The following DSCAM variants were observed in gnomAD, a reference collection of about 807,000 sequenced individuals.
The protein encoded by DSCAM is DS cell adhesion molecule, also known as cell adhesion molecule DSCAM.
Under a neutral mutation model 217.7 loss-of-function variants are expected in DSCAM, and 47 were observed. That is an observed-to-expected ratio of 0.22 (90% CI 0.17 to 0.28). The LOEUF is 0.28. Ranked by LOEUF, DSCAM falls within the 10% of genes least tolerant of loss-of-function variation. DSCAM has a pLI of 1.00. For synonymous variants in DSCAM, 1,056 were observed against 1,015.3 expected (o/e 1.04, Z -0.76); for missense variants, 2,080 against 2,618.3 (o/e 0.79, Z 4.49).
intron 15 of DSCAM, among the ~76,000 whole-genome samples, chr21:40,176,197 G>C (rs1313893665): frequency 6.6e-6 from 1 of 152,240 alleles, no homozygotes; most frequent in East Asian, 1.9e-4. Flanking sequence ...AGGAGACATG[G>C]AACTTGTAGT....
chr21:40,787,005 G>A (rs1351583022), intron 1 of DSCAM, among the ~76,000 whole-genome samples: 1 of 152,166 alleles, frequency 6.6e-6, no homozygotes, highest in Admixed American at 6.5e-5. Context: ...AAAGCCCAAG[G>A]GCTCGATTTG....
chr21:40,146,772 A>G (rs536573641), intron 16 of DSCAM, among the ~76,000 whole-genome samples: 49 of 152,310 alleles, frequency 3.2e-4, no homozygotes, highest in African/African-American at 1.2e-3. Context: ...TTTTTATTAT[A>G]AACAAATGTC....
intron 3 of DSCAM, among the ~76,000 whole-genome samples, chr21:40,497,695 A>G (rs549008334): frequency 1.3e-4 from 20 of 152,350 alleles, no homozygotes; most frequent in African/African-American, 4.8e-4. Context: ...CCCAATGTAT[A>G]CATATAAGAA....
chr21:40,198,913 C>T, intron 11 of DSCAM, among the ~76,000 whole-genome samples: 1 of 152,170 alleles, frequency 6.6e-6, no homozygotes, highest in Non-Finnish European at 1.5e-5. Flanking sequence ...CTGGACTGGT[C>T]TTGTACCGAT....
chr21:40,311,931 G>A (rs1405564369), intron 9 of DSCAM, 150 bp downstream of exon 9: 3 of 497,030 alleles, frequency 6.0e-6, no homozygotes, highest in East Asian at 8.5e-5. Flanking sequence ...GTTTAGAGTC[G>A]TATTTTTTTT....
At chr21:40,384,327 G>A (rs867606451) in intron 3 of DSCAM, among the ~76,000 whole-genome samples, 42 of 152,280 alleles carry the variant, frequency 2.8e-4, no homozygotes, top group Middle Eastern at 3.4e-3. Context: ...ACAGCAGAAG[G>A]CCTGGCGTGG....
intron 1 of DSCAM, among the ~76,000 whole-genome samples, chr21:40,710,778 A>G (rs999156091): frequency 4.6e-5 from 7 of 152,346 alleles, no homozygotes; most frequent in African/African-American, 1.7e-4. Flanking sequence ...CACACATCTG[A>G]GCTTCTCCAT....
chr21:40,353,422 G>T (rs201406043), intron 5 of DSCAM, 43 bp downstream of exon 5: 1 of 1,582,564 alleles, frequency 6.3e-7, no homozygotes, highest in Non-Finnish European at 8.5e-7. Flanking sequence ...GAGCTCCATC[G>T]ATGGAAGCCA....
intron 28 of DSCAM, among the ~76,000 whole-genome samples, chr21:40,062,085 A>G (rs926705790): frequency 2.0e-5 from 3 of 152,334 alleles, no homozygotes; most frequent in African/African-American, 7.2e-5. Context: ...TTTACAGAGT[A>G]AAAAGGTTGG....
chr21:40,258,927 T>C (rs1394745972), intron 11 of DSCAM, among the ~76,000 whole-genome samples: 1 of 152,204 alleles, frequency 6.6e-6, no homozygotes, highest in East Asian at 1.9e-4. Flanking sequence ...CTGTCTCCTT[T>C]GTTTGGTGTA....
intron 11 of DSCAM, among the ~76,000 whole-genome samples, chr21:40,243,708 G>A (rs1313210399): frequency 6.6e-6 from 1 of 152,138 alleles, no homozygotes; most frequent in Non-Finnish European, 1.5e-5. Flanking sequence ...TGTATTCCAT[G>A]ACTTCAGAGA....
intron 15 of DSCAM, among the ~76,000 whole-genome samples, chr21:40,174,197 G>A (rs1406737238): frequency 7.2e-5 from 11 of 152,190 alleles, no homozygotes; most frequent in Non-Finnish European, 1.0e-4. Flanking sequence ...GGTTGGGGAA[G>A]CCATGAAGAC....
At chr21:40,816,377 G>A (rs768608576) in intron 1 of DSCAM, among the ~76,000 whole-genome samples, 18 of 152,094 alleles carry the variant, frequency 1.2e-4, no homozygotes, top group Admixed American at 5.2e-4. Flanking sequence ...TCAGGAGTTC[G>A]AGACCAGCCT....
chr21:40,775,661 T>C (rs2091481543), intron 1 of DSCAM, among the ~76,000 whole-genome samples: 1 of 152,196 alleles, frequency 6.6e-6, no homozygotes, highest in Non-Finnish European at 1.5e-5. Flanking sequence ...ACCTTTGGAC[T>C]CTAGGAACTT....
At chr21:40,408,222 T>C (rs1043382637) in intron 3 of DSCAM, among the ~76,000 whole-genome samples, 10 of 152,072 alleles carry the variant, frequency 6.6e-5, no homozygotes, top group African/African-American at 9.7e-5. Flanking sequence ...AGGGTTAGCA[T>C]TGACAATTTT....
intron 30 of DSCAM, among the ~76,000 whole-genome samples, chr21:40,045,867 G>T (rs2088834235): frequency 6.6e-6 from 1 of 151,470 alleles, no homozygotes; most frequent in African/African-American, 2.4e-5. Context: ...AGTGTCTCCA[G>T]GGCAGGGGCA....
chr21:40,195,673 G>A (rs929789978), intron 11 of DSCAM, among the ~76,000 whole-genome samples: 3 of 152,180 alleles, frequency 2.0e-5, no homozygotes, highest in Non-Finnish European at 2.9e-5. Context: ...TATGGCAGAG[G>A]AGGGTGTGGA....
chr21:40,075,318 T>A, intron 26 of DSCAM, 105 bp from the exon 27 acceptor site: 1 of 1,230,264 alleles, frequency 8.1e-7, no homozygotes, highest in East Asian at 2.5e-5. Context: ...CCAAGGGTGT[T>A]GGAGGTGATG....
intron 28 of DSCAM, among the ~76,000 whole-genome samples, chr21:40,061,931 T>A (rs556064645): frequency 6.6e-6 from 1 of 152,358 alleles, no homozygotes; most frequent in Non-Finnish European, 1.5e-5. Context: ...TTTCCCTACT[T>A]ATTTCCTAGA....
Sources: gnomAD v4.1 joint callset for allele counts (sites outside exome capture counted in the v4.1 genomes callset) on GRCh38, gnomAD v4.1.1 for gene constraint, MANE v1.5 for transcripts, NCBI Gene and HGNC (gene_info 2026-07-23, HGNC 2026-07-21) for gene names.